Variants in SHISA6 observed in about 807,000 individuals in gnomAD.
The protein encoded by SHISA6 is protein shisa-6.
A neutral mutation model predicts 47.9 loss-of-function variants in SHISA6; 22 were observed. That is an observed-to-expected ratio of 0.46 (90% CI 0.33 to 0.66). SHISA6 has a LOEUF of 0.66. Among genes scored for constraint, SHISA6 ranks in the 30% least tolerant of loss-of-function variants. The probability of loss-of-function intolerance (pLI) is 0.02; values close to 1 mark genes in which losing one functional copy is unlikely to be tolerated. For missense variants in SHISA6, 680 were observed against 764.6 expected (o/e 0.89, Z 1.30); for synonymous variants, 388 against 337.8 (o/e 1.15, Z -1.63).
intron 5 of SHISA6, 136 bp from the exon 6 acceptor site, chr17:11,557,618 A>G: frequency 2.4e-6 from 2 of 843,798 alleles, no homozygotes; most frequent in East Asian, 5.4e-5. Context: ...CCTAATCCAT[A>G]ACTAAAGGAG....
intron 2 of SHISA6, among the ~76,000 whole-genome samples, chr17:11,350,170 A>ATTTTTTTTTTTTTTTTTTT (rs1295741204): frequency 9.5e-6 from 1 of 105,410 alleles, no homozygotes; most frequent in African/African-American, 4.0e-5. Flanking sequence ...TTATTTATTT[A>ATTTTTTTTTTTTTTTTTTT]TTTATTTATT....
At chr17:11,491,773 T>TTTTG (rs4055623) in intron 3 of SHISA6, among the ~76,000 whole-genome samples, 41,033 of 144,950 alleles carry the variant, frequency 0.28, 6,239 homozygotes, top group East Asian at 0.51. Context: ...GTGAAGTGTT[T>TTTTG]TTTTTTTTTT....
chr17:11,261,255 A>G (rs1177050299), intron 1 of SHISA6, among the ~76,000 whole-genome samples: 5 of 152,194 alleles, frequency 3.3e-5, no homozygotes, highest in African/African-American at 4.8e-5. Context: ...ATGGTCACAC[A>G]TGGGTGTGGG....
intron 2 of SHISA6, among the ~76,000 whole-genome samples, chr17:11,311,943 T>G (rs1405639756): frequency 6.6e-6 from 1 of 152,060 alleles, no homozygotes; most frequent in Non-Finnish European, 1.5e-5. Flanking sequence ...GCCTGGCTAA[T>G]TTTTGTATTT....
intron 2 of SHISA6, among the ~76,000 whole-genome samples, chr17:11,304,340 C>T (rs547243262): frequency 1.2e-4 from 19 of 152,186 alleles, no homozygotes; most frequent in Non-Finnish European, 2.4e-4. Flanking sequence ...CAGCATCTCA[C>T]GTCCTAGGCT....
intron 2 of SHISA6, among the ~76,000 whole-genome samples, chr17:11,280,364 T>C (rs1172979863): frequency 1.3e-5 from 2 of 152,192 alleles, no homozygotes; most frequent in Non-Finnish European, 2.9e-5. Flanking sequence ...TGTGTAAGGA[T>C]TTAAAATATG....
At chr17:11,348,142 A>G (rs1244053971) in intron 2 of SHISA6, among the ~76,000 whole-genome samples, 1 of 152,240 alleles carries the variant, frequency 6.6e-6, no homozygotes, top group Non-Finnish European at 1.5e-5. Flanking sequence ...TGTTGAGAGT[A>G]CATATGGTGA....
intron 2 of SHISA6, among the ~76,000 whole-genome samples, chr17:11,330,443 G>A (rs1461551271): frequency 1.3e-5 from 2 of 151,620 alleles, no homozygotes; most frequent in African/African-American, 2.4e-5. Context: ...CAGCAATAAG[G>A]TTGGCAAATT....
intron 3 of SHISA6, among the ~76,000 whole-genome samples, chr17:11,409,703 C>CA (rs35351476): frequency 0.12 from 9,869 of 81,250 alleles, 475 homozygotes; most frequent in African/African-American, 0.16. Flanking sequence ...GACTCCATCT[C>CA]AAAAAAAAAA....
intron 2 of SHISA6, among the ~76,000 whole-genome samples, chr17:11,359,639 C>G (rs1419415961): frequency 6.6e-6 from 1 of 152,132 alleles, no homozygotes; most frequent in Non-Finnish European, 1.5e-5. Context: ...AATACTCTGA[C>G]AAGAGTATTT....
intron 3 of SHISA6, among the ~76,000 whole-genome samples, chr17:11,544,556 C>T (rs1156497243): frequency 6.6e-6 from 1 of 152,124 alleles, no homozygotes; most frequent in African/African-American, 2.4e-5. Flanking sequence ...AGAATAGTGA[C>T]AACGCCAAAT....
chr17:11,464,539 C>T (rs1008543623), intron 3 of SHISA6, among the ~76,000 whole-genome samples: 1 of 152,178 alleles, frequency 6.6e-6, no homozygotes, highest in Non-Finnish European at 1.5e-5. Flanking sequence ...ACACCCACGT[C>T]CATGAAATGA....
At chr17:11,260,265 G>C (rs1436821816) in intron 1 of SHISA6, among the ~76,000 whole-genome samples, 2 of 152,098 alleles carry the variant, frequency 1.3e-5, no homozygotes, top group African/African-American at 4.8e-5. Flanking sequence ...CAATAATCCA[G>C]ATAATTCAGG....
intron 3 of SHISA6, among the ~76,000 whole-genome samples, chr17:11,421,995 GAGA>G (rs754641073): frequency 6.6e-5 from 10 of 152,134 alleles, no homozygotes; most frequent in Non-Finnish European, 1.5e-4. Flanking sequence ...GGGAGGAGGG[GAGA>G]AGAATTATTA....
At chr17:11,548,020 A>G (rs1023036671) in intron 3 of SHISA6, among the ~76,000 whole-genome samples, 1 of 152,242 alleles carries the variant, frequency 6.6e-6, no homozygotes, top group Non-Finnish European at 1.5e-5. Context: ...CAATATACAT[A>G]ACATTACATA....
chr17:11,561,317 T>C lies in SHISA6; in HGVS notation c.*3013T>C, dbSNP rs1024706827. ...CACATCTCTGTTGCTCTAACAGAAA[T>C]GAACTGGAATCTGCACAGGTTCTCT... is the stretch of plus-strand genomic sequence containing the variant. On this transcript the variant is annotated 3_prime_UTR_variant, in exon 6 of 6. Transcript: ENST00000441885. 2 of 152,224 alleles carry C rather than the reference T, an allele frequency of 1.3e-5. No homozygotes were observed. The highest frequency in any genetic ancestry group is 4.8e-5 in the African/African-American group (2 of 41,470). The allele number at this position is 152,224 out of a possible 1,614,324, so 9.4% of individuals were successfully genotyped here.
At chr17:11,412,183 A>G (rs994900056) in intron 3 of SHISA6, among the ~76,000 whole-genome samples, 7 of 152,200 alleles carry the variant, frequency 4.6e-5, no homozygotes, top group Non-Finnish European at 7.3e-5. Flanking sequence ...ATCATTTTAA[A>G]TCTCTGAACT....
intron 2 of SHISA6, among the ~76,000 whole-genome samples, chr17:11,292,344 T>TTC (rs1909583346): frequency 6.6e-6 from 1 of 152,128 alleles, no homozygotes; most frequent in Non-Finnish European, 1.5e-5. Flanking sequence ...TGTCCGTGTG[T>TTC]TCTCATTGTT....
At chr17:11,343,404 A>T (rs144111399) in intron 2 of SHISA6, among the ~76,000 whole-genome samples, 1 of 152,242 alleles carries the variant, frequency 6.6e-6, no homozygotes, top group East Asian at 1.9e-4. Flanking sequence ...TGTGTAGGGT[A>T]GTTTATTTGG....
Sources: allele counts gnomAD v4.1 joint callset (sites outside exome capture counted in the v4.1 genomes callset), GRCh38; gene constraint gnomAD v4.1.1; transcripts MANE v1.5; gene names NCBI Gene and HGNC (gene_info 2026-07-23, HGNC 2026-07-21).